ADGRB1: variants seen among roughly 807,000 people sequenced by gnomAD.
ADGRB1 encodes adhesion G protein-coupled receptor B1.
ADGRB1 carries 36 observed loss-of-function variants against 175.7 expected under a neutral mutation model. That is an observed-to-expected ratio of 0.20 (90% CI 0.16 to 0.27). The LOEUF (loss-of-function observed/expected upper bound fraction) is 0.27. Ranked by LOEUF, ADGRB1 falls within the 10% of genes least tolerant of loss-of-function variation. The pLI is 1.00. For missense variants in ADGRB1, 1,731 were observed against 2,255.3 expected (o/e 0.77, Z 4.71); for synonymous variants, 1,054 against 979.4 (o/e 1.08, Z -1.42).
chr8:142,542,412 CGCCCTCCCGCCA>C lies in ADGRB1; in HGVS notation c.4183_4194del (p.Ser1395_Pro1398del). On this transcript the variant is annotated inframe_deletion, in exon 28 of 31. Coordinates refer to ENST00000517894, the MANE Select transcript of ADGRB1 (RefSeq NM_001702.3). This position sits in a 1 kb window ranked among gnomAD's most constrained non-coding sequence, Gnocchi z 6.3. ...GAGGCCAGCCTCCCCGCCCGCAGCC[CGCCCTCCCGCCA>C]GCCCCCCAGCGGCGGGCCCCCCGAG... The C allele has an allele frequency of 6.5e-7, 1 of 1,539,750 alleles. No individual in the cohort carries two copies. The highest frequency in any genetic ancestry group is 1.2e-5 in the South Asian group (1 of 83,612).
At chr8:142,487,308 C>T (rs574580979) in intron 13 of ADGRB1, among the ~76,000 whole-genome samples, 1 of 152,276 alleles carries the variant, frequency 6.6e-6, no homozygotes, top group African/African-American at 2.4e-5. Context: ...AGCTTCCCAG[C>T]AGCCCCTTGC....
At chr8:142,477,666 C>T in intron 6 of ADGRB1, 117 bp downstream of exon 6, 1 of 1,350,854 alleles carries the variant, frequency 7.4e-7, no homozygotes, top group Non-Finnish European at 9.9e-7. Flanking sequence ...CCTCAGGGTG[C>T]TCAGAGGTTG....
intron 9 of ADGRB1, 119 bp from the exon 10 acceptor site, chr8:142,481,135 C>T: frequency 1.1e-6 from 1 of 872,244 alleles, no homozygotes; most frequent in Non-Finnish European, 1.9e-6. Flanking sequence ...AGGCCATGGG[C>T]GAGTCCCTGT....
chr8:142,472,586 C>T (rs1448766176), intron 2 of ADGRB1, among the ~76,000 whole-genome samples: 1 of 152,198 alleles, frequency 6.6e-6, no homozygotes, highest in Non-Finnish European at 1.5e-5. Context: ...ATTCACTAGA[C>T]AAACATTTAC....
At chr8:142,476,487 A>G in intron 3 of ADGRB1, 98 bp from the exon 4 acceptor site, 1 of 1,087,668 alleles carries the variant, frequency 9.2e-7, no homozygotes, top group Non-Finnish European at 1.4e-6. Flanking sequence ...CAGTGGAGCC[A>G]GGTGGCCCAG....
chr8:142,477,567 C>T lies in ADGRB1; in HGVS notation c.1387+18C>T, dbSNP rs770580794. 28 of 1,606,102 alleles carry T rather than the reference C, an allele frequency of 1.7e-5. No individual in the cohort carries two copies. In the East Asian group the frequency reaches 1.8e-4, roughly 10 times the overall value. On this transcript the variant is annotated intron_variant, in intron 6 of 30. Coordinates refer to ENST00000517894, the MANE Select transcript of ADGRB1 (RefSeq NM_001702.3). ...GTGCCCTGGTAGGTGAGAGGGAGGG[C>T]GTAGGGGCAGGGAGGAAGGGAAGAA...
chr8:142,533,891 G>A (rs753896228), intron 25 of ADGRB1, among the ~76,000 whole-genome samples: 2 of 152,200 alleles, frequency 1.3e-5, no homozygotes, highest in Admixed American at 6.5e-5. Context: ...CCCAACTACC[G>A]CCTGGCTGGT....
intron 26 of ADGRB1, 61 bp from the exon 27 acceptor site, chr8:142,539,303 GGTCTGTGCAC>G (rs1845123539): frequency 6.7e-7 from 1 of 1,492,364 alleles, no homozygotes. Context: ...CCTCCCGAGC[GGTCTGTGCAC>G]GCGTGCACAC....
chr8:142,525,215 A>T (rs1844103849), intron 23 of ADGRB1, among the ~76,000 whole-genome samples: 1 of 151,942 alleles, frequency 6.6e-6, no homozygotes, highest in Non-Finnish European at 1.5e-5. Context: ...GGGCAGCCCC[A>T]GACCCCTCCC....
intron 26 of ADGRB1, 61 bp from the exon 27 acceptor site, chr8:142,539,313 C>A (rs375217312): frequency 2.0e-6 from 3 of 1,531,306 alleles, no homozygotes; most frequent in East Asian, 2.4e-5. Context: ...GGTCTGTGCA[C>A]GCGTGCACAC....
At position 142,464,793 on chromosome 8, in the gene ADGRB1, G is replaced by A. The variant is rs754207417; in HGVS notation, c.595G>A (p.Gly199Ser). The change falls in exon 2 of 31, where the codon GGT (glycine) becomes AGT (serine). Residue 199 changes from glycine (G) to serine (S), a missense_variant. Physicochemically the swap from Gly to Ser is moderately conservative, Grantham distance 56. This residue lies in a region of ADGRB1 where 383 missense variants were observed against 383.1 expected (regional missense o/e 1.00). Coordinates refer to ENST00000517894, the MANE Select transcript of ADGRB1 (RefSeq NM_001702.3). ...CCGCTGGCTGGACGCGTGTCTGGCC[G>A]GTAGTCGCAGCTCGCACCCCTGCGG... ...LCRWLDACLAGSRSSHPCGIM... is the reference protein window; with the variant it reads ...LCRWLDACLASSRSSHPCGIM... The A allele has an allele frequency of 4.2e-5, 64 of 1,535,060 alleles. No homozygotes were observed. Among genetic ancestry groups the A allele is most frequent in the Non-Finnish European group, 5.4e-5 (62 of 1,145,676 alleles).
At chr8:142,508,884 A>T (rs994127625) in intron 17 of ADGRB1, among the ~76,000 whole-genome samples, 22 of 152,268 alleles carry the variant, frequency 1.4e-4, no homozygotes, top group African/African-American at 5.3e-4. Context: ...TTGAGAGGGG[A>T]GGGGGCTTCC....
At chr8:142,529,809 T>G (rs1363419913) in intron 24 of ADGRB1, among the ~76,000 whole-genome samples, 2 of 151,610 alleles carry the variant, frequency 1.3e-5, no homozygotes, top group Non-Finnish European at 2.9e-5. Context: ...TGAGTGTGCA[T>G]CTGTGTGAGT....
chr8:142,502,069 T>C (rs561041983), intron 17 of ADGRB1, among the ~76,000 whole-genome samples: 1 of 80,812 alleles, frequency 1.2e-5, no homozygotes, highest in South Asian at 4.3e-4. Context: ...GTGGGGGTGA[T>C]GATGGGGTTG....
At chr8:142,500,261 T>TGCC (rs1842433669) in intron 17 of ADGRB1, among the ~76,000 whole-genome samples, 1 of 15,110 alleles carries the variant, frequency 6.6e-5, no homozygotes. Context: ...CTCCTCCACC[T>TGCC]CCCCACGCGC....
chr8:142,463,619 C>T (rs751759077), intron 1 of ADGRB1, among the ~76,000 whole-genome samples: 7 of 152,254 alleles, frequency 4.6e-5, no homozygotes, highest in African/African-American at 1.2e-4. Context: ...GCGTGGTGAG[C>T]GAGTGGGCAG....
At chr8:142,467,894 A>G (rs1840365954) in intron 2 of ADGRB1, among the ~76,000 whole-genome samples, 1 of 152,240 alleles carries the variant, frequency 6.6e-6, no homozygotes, top group Admixed American at 6.5e-5. Context: ...ACGATGAAAT[A>G]TCAATATGCT....
chr8:142,527,944 C>A (rs889655428), intron 24 of ADGRB1, among the ~76,000 whole-genome samples: 2 of 152,232 alleles, frequency 1.3e-5, no homozygotes, highest in African/African-American at 2.4e-5. Context: ...TAAGCCCAGG[C>A]GGCCTGCACT....
chr8:142,536,109 A>T (rs1274931254), intron 25 of ADGRB1, among the ~76,000 whole-genome samples: 1 of 152,132 alleles, frequency 6.6e-6, no homozygotes, highest in African/African-American at 2.4e-5. Context: ...GTGGGTAGGT[A>T]GGTGGGTGCC....
Sources: allele counts gnomAD v4.1 joint callset (sites outside exome capture counted in the v4.1 genomes callset), GRCh38; gene constraint gnomAD v4.1.1; regional missense constraint gnomAD v4.1.1; non-coding constraint Gnocchi (gnomAD v3.1); transcripts MANE v1.5; gene names NCBI Gene and HGNC (gene_info 2026-07-23, HGNC 2026-07-21).